The following NCOA7 variants were observed in gnomAD, a reference collection of about 807,000 sequenced individuals.
NCOA7 encodes nuclear receptor coactivator 7, also known as 140 kDa estrogen receptor-associated protein.
A neutral mutation model predicts 104.3 loss-of-function variants in NCOA7; 45 were observed. That is an observed-to-expected ratio of 0.43 (90% confidence interval 0.34 to 0.55). NCOA7 has a LOEUF of 0.55. Among genes scored for constraint, NCOA7 ranks in the 20% least tolerant of loss-of-function variants. The pLI is 0.02. For synonymous variants in NCOA7, 398 were observed against 402.3 expected, an observed-to-expected ratio of 0.99 and a Z score of 0.13; for missense variants, 1,041 against 1,119.7, an observed-to-expected ratio of 0.93 and a Z score of 1.00.
chr6:125,919,413 C>T (rs377266258), intron 11 of NCOA7: 128 of 1,612,510 alleles, frequency 7.9e-5, no homozygotes, highest in Admixed American at 1.7e-4. Flanking sequence ...CCAGACCTGA[C>T]GAAGAGCCTT....
chr6:125,789,540 T>A (rs1325829947), upstream of NCOA7, among the ~76,000 whole-genome samples: 1 of 152,210 alleles, frequency 6.6e-6, no homozygotes, highest in Non-Finnish European at 1.5e-5. Flanking sequence ...TTTAGGAACC[T>A]AATTTTCCCT....
intron 2 of NCOA7, among the ~76,000 whole-genome samples, chr6:125,825,564 C>T (rs1206713590): frequency 1.3e-5 from 2 of 152,198 alleles, no homozygotes; most frequent in African/African-American, 2.4e-5. Flanking sequence ...TTAGAAGTTA[C>T]ATAATACATA....
intron 13 of NCOA7, among the ~76,000 whole-genome samples, chr6:125,927,143 T>C (rs1788103122): frequency 6.6e-6 from 1 of 152,246 alleles, no homozygotes; most frequent in African/African-American, 2.4e-5. Flanking sequence ...AAGGATATAA[T>C]TTTAATTTAA....
At chr6:125,883,611 G>T (rs1294906887) in intron 7 of NCOA7, among the ~76,000 whole-genome samples, 3 of 151,338 alleles carry the variant, frequency 2.0e-5, no homozygotes, top group Admixed American at 1.3e-4. Context: ...TTCTGTATTT[G>T]CCTATTCTAG....
intron 2 of NCOA7, among the ~76,000 whole-genome samples, chr6:125,848,648 CG>C (rs1554268573): frequency 1.3e-5 from 2 of 151,474 alleles, no homozygotes; most frequent in Non-Finnish European, 2.9e-5. Context: ...TGGAGCCTGT[CG>C]GGGGGTGGTG....
chr6:125,919,353 C>T, intron 11 of NCOA7: 8 of 1,612,822 alleles, frequency 5.0e-6, no homozygotes, highest in Non-Finnish European at 6.8e-6. Context: ...TCTCACTGCT[C>T]ACAATGAGAG....
intron 9 of NCOA7, among the ~76,000 whole-genome samples, chr6:125,890,351 G>A (rs1396795203): frequency 6.6e-6 from 1 of 152,128 alleles, no homozygotes; most frequent in Non-Finnish European, 1.5e-5. Context: ...TCATTAATAT[G>A]TATTCCTGTG....
chr6:125,872,322 C>G (rs990573785), intron 3 of NCOA7, among the ~76,000 whole-genome samples: 5 of 152,162 alleles, frequency 3.3e-5, no homozygotes, highest in African/African-American at 7.2e-5. Context: ...GTAGCGCTCC[C>G]CATTGGGACC....
At chr6:125,915,504 C>T (rs371911398) in intron 11 of NCOA7, 24 bp downstream of exon 11, 1 of 1,612,958 alleles carries the variant, frequency 6.2e-7, no homozygotes, top group Non-Finnish European at 8.5e-7. Context: ...CAGGGTTAGA[C>T]CGTCGTAGTT....
At chr6:125,790,372 A>G (rs1339692725), upstream of NCOA7, among the ~76,000 whole-genome samples, 3 of 152,198 alleles carry the variant, frequency 2.0e-5, no homozygotes, top group Non-Finnish European at 4.4e-5. Context: ...GGGGTGAGGT[A>G]AGAGGACCCT....
chr6:125,847,944 A>G (rs549947607), intron 2 of NCOA7, among the ~76,000 whole-genome samples: 4 of 152,354 alleles, frequency 2.6e-5, no homozygotes, highest in East Asian at 3.9e-4. Context: ...CAAAGAACTC[A>G]AACAAATTTA....
intron 1 of NCOA7, among the ~76,000 whole-genome samples, chr6:125,809,569 T>C (rs1776779668): frequency 6.6e-6 from 1 of 152,210 alleles, no homozygotes; most frequent in South Asian, 2.1e-4. Context: ...TTCAAATTTC[T>C]GACCTTGTGT....
chr6:125,828,477 C>T (rs778561611), intron 2 of NCOA7, among the ~76,000 whole-genome samples: 1 of 152,064 alleles, frequency 6.6e-6, no homozygotes, highest in African/African-American at 2.4e-5. Context: ...TTTGGGAAAT[C>T]GGCTGGGAAG....
At chr6:125,855,401 G>C in intron 3 of NCOA7, 161 bp downstream of exon 3, 1 of 579,886 alleles carries the variant, frequency 1.7e-6, no homozygotes, top group South Asian at 2.2e-5. Context: ...TGTGTAAGGG[G>C]ATCACACTAA....
intron 10 of NCOA7, among the ~76,000 whole-genome samples, chr6:125,894,013 A>G (rs145443523): frequency 5.2e-4 from 79 of 152,196 alleles, no homozygotes; most frequent in African/African-American, 1.8e-3. Context: ...CCACAACTCT[A>G]CTTATAAACC....
At chr6:125,918,348 G>T (rs1450302241) in intron 11 of NCOA7, among the ~76,000 whole-genome samples, 1 of 152,220 alleles carries the variant, frequency 6.6e-6, no homozygotes, top group Non-Finnish European at 1.5e-5. Flanking sequence ...GCCCAGAGGA[G>T]AGTGTTGTCT....
At chr6:125,914,938 T>TG (rs1209782651) in intron 10 of NCOA7, among the ~76,000 whole-genome samples, 13 of 152,250 alleles carry the variant, frequency 8.5e-5, no homozygotes, top group Non-Finnish European at 1.3e-4. Flanking sequence ...AAAGACCCGT[T>TG]GTAGTATTGT....
intron 2 of NCOA7, among the ~76,000 whole-genome samples, chr6:125,838,780 G>T (rs924611161): frequency 2.0e-5 from 3 of 152,094 alleles, no homozygotes; most frequent in Admixed American, 1.3e-4. Context: ...TCCCATGACC[G>T]CCTCCTCAGG....
chr6:125,890,463 C>T (rs377152075), intron 9 of NCOA7, among the ~76,000 whole-genome samples, 179 bp from the exon 10 acceptor site: 6 of 152,208 alleles, frequency 3.9e-5, no homozygotes, highest in East Asian at 3.9e-4. Flanking sequence ...ACAACCAAAG[C>T]TTTTTCCTTG....
Sources: gnomAD v4.1 joint callset for allele counts (sites outside exome capture counted in the v4.1 genomes callset) on GRCh38, gnomAD v4.1.1 for gene constraint, MANE v1.5 for transcripts, NCBI Gene and HGNC (gene_info 2026-07-23, HGNC 2026-07-21) for gene names.